The following SEMA3C variants were observed in gnomAD, a reference collection of about 807,000 sequenced individuals.
SEMA3C encodes the protein semaphorin 3C, also known as semaphorin-3C.
Under a neutral mutation model 89.4 loss-of-function variants are expected in SEMA3C, and 47 were observed. The observed-to-expected ratio is 0.53, with a 90% confidence interval of 0.42 to 0.67. The LOEUF (loss-of-function observed/expected upper bound fraction) is 0.67. SEMA3C is among the 30% of genes least tolerant of loss of function. SEMA3C has a pLI of 0.00. For missense variants in SEMA3C, 839 were observed against 929.1 expected, an observed-to-expected ratio of 0.90 and a Z score of 1.26; for synonymous variants, 310 against 320.2, an observed-to-expected ratio of 0.97 and a Z score of 0.34.
At position 80,753,612 on chromosome 7, in the gene SEMA3C, T is replaced by C. The variant is rs978236482; in HGVS notation, c.1644-2276A>G. Among the ~76,000 whole-genome samples, 6 of 152,180 alleles carry C rather than the reference T, an allele frequency of 3.9e-5. No homozygotes were observed. The East Asian group carries it at 1.2e-3, about 29-fold the overall frequency. On this transcript the variant is annotated intron_variant, in intron 15 of 17. Coordinates refer to ENST00000265361, the MANE Select transcript of SEMA3C (RefSeq NM_006379.5). ...GTAGATTCCCTCCATGGCACTCACA[T>C]AGCATCAAAAAAACATGCTGGTAGG... is the stretch of plus-strand genomic sequence containing the variant.
chr7:80,778,631 C>G lies in SEMA3C; in HGVS notation c.1354+10675G>C, dbSNP rs552525752. 1.8e-4 allele frequency among the ~76,000 whole-genome samples: 27 copies of G among 152,288 alleles called. No individual in the cohort carries two copies. The East Asian group carries it at 5.2e-3, about 29-fold the overall frequency. On this transcript the variant is annotated intron_variant, in intron 12 of 17. Transcript: ENST00000265361. ...TCTCAGAATGTGGTCATCAAACAAC[C>G]CATTTACTTGCATTGTTAACCTCTT...
At chr7:80,793,447 G>A (rs1486476208) in intron 11 of SEMA3C, 6 of 448,898 alleles carry the variant, frequency 1.3e-5, no homozygotes, top group Non-Finnish European at 2.7e-5. Context: ...GTGCCCAGTA[G>A]GGGACACAAG....
chr7:80,799,171 A>C (rs535747160), intron 10 of SEMA3C, among the ~76,000 whole-genome samples: 4 of 152,338 alleles, frequency 2.6e-5, no homozygotes, highest in South Asian at 2.1e-4. Context: ...ATCCTTAAAG[A>C]CATCTTTTTA....
chr7:80,881,754 C>A (rs1238128528), intron 2 of SEMA3C, among the ~76,000 whole-genome samples: 12 of 152,080 alleles, frequency 7.9e-5, no homozygotes, highest in Non-Finnish European at 1.6e-4. Flanking sequence ...ATGGAGATAA[C>A]CCATTAGTAG....
At chr7:80,919,272 A>G, upstream of SEMA3C, 1 of 985,182 alleles carries the variant, frequency 1.0e-6, no homozygotes, top group Non-Finnish European at 1.2e-6. Context: ...CGACCCTTAG[A>G]GCTCGCGGCT....
At chr7:80,757,293 G>A (rs747550230) in intron 15 of SEMA3C, among the ~76,000 whole-genome samples, 1 of 152,182 alleles carries the variant, frequency 6.6e-6, no homozygotes, top group Non-Finnish European at 1.5e-5. Context: ...CTATGTCACT[G>A]TATGACTGAA....
intron 4 of SEMA3C, among the ~76,000 whole-genome samples, chr7:80,819,392 AAC>A (rs1562889974): frequency 6.6e-6 from 1 of 152,220 alleles, no homozygotes; most frequent in Non-Finnish European, 1.5e-5. Context: ...TTTACAAATT[AAC>A]ACACAGAAGT....
Position 80,918,931 on chromosome 7 carries a change from G to T in SEMA3C, c.-142C>A, listed in dbSNP as rs1792343228. On this transcript the variant is annotated 5_prime_UTR_variant, in exon 1 of 18. Coordinates refer to ENST00000265361, the MANE Select transcript of SEMA3C (RefSeq NM_006379.5). ...CCCAGACGACCTTATTTTCTAGCAC[G>T]TCGCAAAGGTGAAATTCTTTCTTCC... 33 of 985,406 alleles carry T rather than the reference G, an allele frequency of 3.3e-5. No homozygotes were observed. In the South Asian group the frequency reaches 1.4e-3, roughly 41 times the overall value. 61.0% of individuals were successfully genotyped at this position (985,406 alleles called of 1,614,324 possible).
chr7:80,827,737 T>C (rs1414631121), intron 3 of SEMA3C, among the ~76,000 whole-genome samples: 2 of 152,170 alleles, frequency 1.3e-5, no homozygotes, highest in African/African-American at 2.4e-5. Flanking sequence ...ACTAATTGTA[T>C]ATTAAAATAA....
rs1171126276 is a variant in SEMA3C, at chr7:80,743,259, AT to A, written c.*1634del. On this transcript the variant is annotated 3_prime_UTR_variant, in exon 18 of 18. Transcript: ENST00000265361. ...TTGGTGTTATGTCAGCATTTTAACT[AT>A]TTTTGCTATAGCGAGGCCTCCTCAT... 1.3e-5 allele frequency: 2 copies of A among 151,874 alleles called. No individual in the cohort carries two copies. The highest frequency in any genetic ancestry group is 3.8e-4 in the East Asian group (2 of 5,198). 9.4% of individuals were successfully genotyped at this position (151,874 alleles called of 1,614,324 possible).
intron 2 of SEMA3C, among the ~76,000 whole-genome samples, chr7:80,864,861 C>T (rs144685652): frequency 2.2e-3 from 335 of 152,264 alleles, no homozygotes; most frequent in African/African-American, 7.5e-3. Flanking sequence ...TTCAGATCAG[C>T]TCTTTGCCTT....
At chr7:80,857,845 TA>T (rs1583947840) in intron 2 of SEMA3C, among the ~76,000 whole-genome samples, 2 of 152,154 alleles carry the variant, frequency 1.3e-5, no homozygotes, top group Admixed American at 6.6e-5. Context: ...AAAATTTTGC[TA>T]AAAAGACTTA....
At chr7:80,813,127 A>G (rs543573133) in intron 5 of SEMA3C, among the ~76,000 whole-genome samples, 2 of 152,052 alleles carry the variant, frequency 1.3e-5, no homozygotes, top group African/African-American at 2.4e-5. Flanking sequence ...TTTAATTTCA[A>G]TAAATTTTTT....
At chr7:80,894,598 C>T (rs1791690852) in intron 2 of SEMA3C, among the ~76,000 whole-genome samples, 2 of 152,174 alleles carry the variant, frequency 1.3e-5, no homozygotes, top group Admixed American at 1.3e-4. Flanking sequence ...CTGACTATGA[C>T]TACACATTAT....
At chr7:80,748,111 T>C (rs1180400315) in intron 17 of SEMA3C, among the ~76,000 whole-genome samples, 1 of 152,136 alleles carries the variant, frequency 6.6e-6, no homozygotes, top group Non-Finnish European at 1.5e-5. Context: ...CTTGGCTCCA[T>C]CAACTTTATG....
chr7:80,818,768 T>C (rs1467699267), intron 4 of SEMA3C, among the ~76,000 whole-genome samples: 1 of 152,228 alleles, frequency 6.6e-6, no homozygotes, highest in Non-Finnish European at 1.5e-5. Context: ...GGGCCACAGG[T>C]TGGACAAGTT....
intron 11 of SEMA3C, among the ~76,000 whole-genome samples, chr7:80,794,433 A>T (rs1369534498): frequency 6.6e-6 from 1 of 152,128 alleles, no homozygotes; most frequent in Non-Finnish European, 1.5e-5. Flanking sequence ...TCTTAGAAAC[A>T]TTCCTAACTG....
chr7:80,750,542 T>C lies in SEMA3C; in HGVS notation c.1711+727A>G, dbSNP rs148145282. On this transcript the variant is annotated intron_variant, in intron 16 of 17. Coordinates refer to ENST00000265361, the MANE Select transcript of SEMA3C (RefSeq NM_006379.5). ...TTATATATATGCACACATGATAAAA[T>C]ACAATTCATCCTTAAACATGAAGAA... is the stretch of plus-strand genomic sequence containing the variant. Among the ~76,000 whole-genome samples, 624 of 139,686 alleles carry C rather than the reference T, an allele frequency of 4.5e-3. 3 individuals carry two copies. Among genetic ancestry groups the C allele is most frequent in the Middle Eastern group, 0.04 (10 of 252 alleles). The allele number at this position is 139,686 out of a possible 152,430, so 91.6% of individuals were successfully genotyped here. A position where few individuals can be genotyped will look rare whatever the true frequency, so the allele number is the denominator to read the frequency against.
At chr7:80,898,207 A>T (rs1451591359) in intron 2 of SEMA3C, among the ~76,000 whole-genome samples, 1 of 152,070 alleles carries the variant, frequency 6.6e-6, no homozygotes, top group Non-Finnish European at 1.5e-5. Flanking sequence ...GCCGACGAAA[A>T]ATACAAAAAT....
Sources: gnomAD v4.1 joint callset for allele counts (sites outside exome capture counted in the v4.1 genomes callset) on GRCh38, gnomAD v4.1.1 for gene constraint, MANE v1.5 for transcripts, NCBI Gene and HGNC (gene_info 2026-07-23, HGNC 2026-07-21) for gene names.